AFF2: variants seen among roughly 807,000 people sequenced by gnomAD.
AFF2 encodes the protein ALF transcription elongation factor 2.
In AFF2, 14 loss-of-function variants were observed where a neutral mutation model predicts 76.9. That is an observed-to-expected ratio of 0.18 (90% CI 0.12 to 0.28). The LOEUF is 0.28. Among genes scored for constraint, AFF2 ranks in the 10% least tolerant of loss-of-function variants. The pLI, the probability that AFF2 is intolerant of heterozygous loss-of-function variation, is 1.00. For synonymous variants in AFF2, 398 were observed against 366.7 expected (o/e 1.09, Z -0.98); for missense variants, 868 against 1,001.1 (o/e 0.87, Z 1.79).
rs180857433 is a variant in AFF2 at position 148,830,210 on chromosome X, C to A, written c.1087-7437C>A. Among the ~76,000 whole-genome samples, 771 of 112,148 alleles carry A rather than the reference C, an allele frequency of 6.9e-3. 5 individuals carry two copies. The highest frequency in any genetic ancestry group is 0.011 in the Non-Finnish European group (593 of 53,176). On this transcript the variant is annotated intron_variant, in intron 4 of 20. Transcript: ENST00000370460. ...CCCTCTAAGGGAATTTCGTTTGGAA[C>A]AGCCAAGCTCCCTGACCCTGAGCAA...
At chrX:148,528,483 T>C (rs946949453) in intron 1 of AFF2, among the ~76,000 whole-genome samples, 5 of 111,328 alleles carry the variant, frequency 4.5e-5, no homozygotes, top group African/African-American at 1.6e-4. Context: ...TCTCATGGCG[T>C]TCCTGGTGTT....
At position 148,581,326 on chromosome X, in the gene AFF2, ATATATACG is replaced by A. The variant is rs1398656676; in HGVS notation, c.48-70668_48-70661del. 9.3e-4 allele frequency among the ~76,000 whole-genome samples: 3 copies of A among 3,239 alleles called. 1 individual carries two copies. Among genetic ancestry groups the A allele is most frequent in the Admixed American group, 7.5e-3 (2 of 266 alleles). The allele number at this position is 3,239 out of a possible 115,157, so 2.8% of individuals were successfully genotyped here. On this transcript the variant is annotated intron_variant, in intron 1 of 20. Coordinates refer to ENST00000370460, the MANE Select transcript of AFF2 (RefSeq NM_002025.4). ...CACATATACGTATACGTGTACACACATATATACGTATACGTATACGTGTACACACATAT... is the reference window on the plus strand; with the variant it reads ...CACATATACGTATACGTGTACACACATATACGTATACGTGTACACACATAT...
chrX:148,962,896 G>A lies in AFF2; in HGVS notation c.2872G>A (p.Glu958Lys). The A allele has an allele frequency of 8.3e-7, 1 of 1,206,032 alleles. No individual in the cohort carries two copies. The highest frequency in any genetic ancestry group is 1.8e-5 in the South Asian group (1 of 56,819). Residue 958 changes from glutamate (E) to lysine (K), a missense_variant, in exon 13 of 21, where the codon GAA (glutamate) becomes AAA (lysine). Physicochemically the swap from Glu to Lys is moderately conservative, Grantham distance 56. Transcript: ENST00000370460. Reference sequence around the variant, plus strand: ...CACATCTACCAAACCTAAGAGAACTGAAGGCAAATTCTGTGCTACTTTCAA... The same window carrying A: ...CACATCTACCAAACCTAAGAGAACTAAAGGCAAATTCTGTGCTACTTTCAA... ...QITSTKPKRTEGKFCATFKGI... is the reference protein window; with the variant it reads ...QITSTKPKRTKGKFCATFKGI...
chrX:148,978,263 A>G (rs1385616348), intron 17 of AFF2, 99 bp from the exon 18 acceptor site: 4 of 615,784 alleles, frequency 6.5e-6, no homozygotes, highest in Non-Finnish European at 1.1e-5. Flanking sequence ...ATCTAACCAT[A>G]GGAAAGTAAC....
intron 9 of AFF2, among the ~76,000 whole-genome samples, chrX:148,953,149 A>T (rs1190598219): frequency 2.7e-5 from 3 of 111,906 alleles, no homozygotes; most frequent in African/African-American, 9.8e-5. Context: ...TGTTTAGCTA[A>T]GATCAGAGCC....
At chrX:148,912,255 T>C (rs1348024381) in intron 9 of AFF2, among the ~76,000 whole-genome samples, 2 of 112,352 alleles carry the variant, frequency 1.8e-5, no homozygotes, top group African/African-American at 6.5e-5. Flanking sequence ...GCTGCGCATA[T>C]TGACCCATCC....
chrX:148,719,444 A>G (rs782455987), intron 3 of AFF2, among the ~76,000 whole-genome samples: 1 of 111,893 alleles, frequency 8.9e-6, no homozygotes, highest in East Asian at 2.8e-4. Flanking sequence ...AACACCAGTT[A>G]AAGGCCTCAG....
rs2071261240 is a variant in AFF2, at chrX:148,894,657, A to G, written c.1359+8672A>G. Among the ~76,000 whole-genome samples the G allele has an allele frequency of 2.7e-5, 3 of 111,570 alleles. No homozygotes were observed. In the South Asian group the frequency reaches 1.1e-3, roughly 42 times the overall value. On this transcript the variant is annotated intron_variant, in intron 8 of 20. Coordinates refer to ENST00000370460, the MANE Select transcript of AFF2 (RefSeq NM_002025.4). The stretch of plus-strand genomic sequence containing the variant: ...AGTTTATTGTTAATGGAGGTCGACT[A>G]AAGCTTCATATTTAACCCTGAATCA...
At chrX:148,642,265 G>A (rs2054097563) in intron 1 of AFF2, among the ~76,000 whole-genome samples, 1 of 112,275 alleles carries the variant, frequency 8.9e-6, no homozygotes, top group Admixed American at 9.4e-5. Context: ...GTGGATCAAA[G>A]GGTTTGTTGA....
intron 3 of AFF2, among the ~76,000 whole-genome samples, chrX:148,763,192 T>C (rs2069472523): frequency 8.9e-6 from 1 of 112,605 alleles, no homozygotes; most frequent in Non-Finnish European, 1.9e-5. Flanking sequence ...TATCCAGCAG[T>C]ACTTGACATT....
intron 3 of AFF2, among the ~76,000 whole-genome samples, chrX:148,786,554 G>A (rs891020010): frequency 9.0e-6 from 1 of 111,581 alleles, no homozygotes; most frequent in African/African-American, 3.3e-5. Context: ...TCTTGTGTCC[G>A]CATATCCCCT....
chrX:148,869,990 G>A (rs1179979049), intron 7 of AFF2, among the ~76,000 whole-genome samples: 1 of 111,440 alleles, frequency 9.0e-6, no homozygotes, highest in Non-Finnish European at 1.9e-5. Context: ...CTGAAATACT[G>A]GGGGTTAGGG....
chrX:148,671,811 T>C (rs1481682889), intron 3 of AFF2, among the ~76,000 whole-genome samples: 1 of 110,316 alleles, frequency 9.1e-6, no homozygotes, highest in Non-Finnish European at 1.9e-5. Context: ...TGCTGAATTT[T>C]ACCAGAAAGT....
At chrX:148,706,013 T>A (rs188152185) in intron 3 of AFF2, among the ~76,000 whole-genome samples, 1 of 112,089 alleles carries the variant, frequency 8.9e-6, no homozygotes, top group East Asian at 2.8e-4. Context: ...TATCATCTCA[T>A]AAAATATTTG....
chrX:148,710,220 T>G (rs1557262792), intron 3 of AFF2, among the ~76,000 whole-genome samples: 1 of 111,856 alleles, frequency 8.9e-6, no homozygotes, highest in African/African-American at 3.2e-5. Context: ...CTGACTTGGA[T>G]TAAAAAATGG....
chrX:148,738,669 GGTTT>G (rs1469567533), intron 3 of AFF2, among the ~76,000 whole-genome samples: 2 of 110,725 alleles, frequency 1.8e-5, no homozygotes, highest in Non-Finnish European at 3.8e-5. Flanking sequence ...GTTTCGGTTT[GGTTT>G]GTTCTTGTTT....
intron 1 of AFF2, among the ~76,000 whole-genome samples, chrX:148,640,691 T>C (rs1392972236): frequency 8.9e-6 from 1 of 112,623 alleles, no homozygotes; most frequent in Non-Finnish European, 1.9e-5. Context: ...ACCATTCACA[T>C]GCTTATCTCA....
intron 19 of AFF2, among the ~76,000 whole-genome samples, chrX:148,986,659 C>T (rs1557291588): frequency 8.9e-6 from 1 of 112,784 alleles, no homozygotes; most frequent in Non-Finnish European, 1.9e-5. Context: ...CCTTGGGGGG[C>T]TGTAAGAATT....
chrX:148,985,734 A>G (rs782732002), intron 19 of AFF2, among the ~76,000 whole-genome samples: 2 of 110,798 alleles, frequency 1.8e-5, no homozygotes, highest in African/African-American at 6.6e-5. Flanking sequence ...AAATCTTTCT[A>G]TCAAGAAGTG....
Sources: gnomAD v4.1 joint callset for allele counts (sites outside exome capture counted in the v4.1 genomes callset) on GRCh38, gnomAD v4.1.1 for gene constraint, MANE v1.5 for transcripts, NCBI Gene and HGNC (gene_info 2026-07-23, HGNC 2026-07-21) for gene names.